AUTS2: variants seen among roughly 807,000 people sequenced by gnomAD.
AUTS2 encodes the protein autism susceptibility gene 2 protein.
A neutral mutation model predicts 112.4 loss-of-function variants in AUTS2; 17 were observed. The observed-to-expected ratio is 0.15, with a 90% CI of 0.10 to 0.23. The LOEUF is 0.23. AUTS2 is among the 10% of genes least tolerant of loss of function. The probability of loss-of-function intolerance (pLI) is 1.00; values close to 1 mark genes in which losing one functional copy is unlikely to be tolerated. For missense variants in AUTS2, 1,510 were observed against 1,701.6 expected (o/e 0.89, Z 1.98); for synonymous variants, 751 against 702.7 (o/e 1.07, Z -1.09).
intron 2 of AUTS2, among the ~76,000 whole-genome samples, chr7:70,032,470 T>G (rs1346496445): frequency 1.3e-5 from 2 of 152,130 alleles, no homozygotes; most frequent in African/African-American, 4.8e-5. Context: ...ATAGAGACAT[T>G]TAATTTAATT....
chr7:70,643,929 C>G (rs1052693159), intron 5 of AUTS2, among the ~76,000 whole-genome samples: 1 of 152,146 alleles, frequency 6.6e-6, no homozygotes, highest in African/African-American at 2.4e-5. Context: ...TCCACCAAGA[C>G]AGCCTCTGCT....
chr7:70,052,962 G>A (rs1801823022), intron 2 of AUTS2, among the ~76,000 whole-genome samples: 1 of 152,116 alleles, frequency 6.6e-6, no homozygotes, highest in African/African-American at 2.4e-5. Context: ...GATAAATAGT[G>A]GCCTAGAATA....
intron 5 of AUTS2, among the ~76,000 whole-genome samples, chr7:70,447,258 A>G (rs1352397525): frequency 6.6e-6 from 1 of 152,116 alleles, no homozygotes; most frequent in Non-Finnish European, 1.5e-5. Flanking sequence ...CCTCACACCA[A>G]CCCAATGGAG....
chr7:69,629,758 T>C (rs563480856), intron 1 of AUTS2, among the ~76,000 whole-genome samples: 11 of 152,128 alleles, frequency 7.2e-5, no homozygotes, highest in Non-Finnish European at 1.6e-4. Context: ...GTGTTCACCT[T>C]GTATAATGCA....
At chr7:70,754,264 G>A (rs527852933) in intron 6 of AUTS2, among the ~76,000 whole-genome samples, 2 of 152,344 alleles carry the variant, frequency 1.3e-5, no homozygotes, top group East Asian at 1.9e-4. Context: ...GCCTAGGCGG[G>A]AGGATTGCTT....
intron 2 of AUTS2, among the ~76,000 whole-genome samples, chr7:70,092,784 A>G (rs1803987131): frequency 6.6e-6 from 1 of 152,106 alleles, no homozygotes; most frequent in Non-Finnish European, 1.5e-5. Flanking sequence ...ATGCCTTCCC[A>G]CTTTATTTCT....
At chr7:69,695,283 C>T (rs375110603) in intron 1 of AUTS2, among the ~76,000 whole-genome samples, 1 of 151,962 alleles carries the variant, frequency 6.6e-6, no homozygotes, top group South Asian at 2.1e-4. Flanking sequence ...GAACTGTGAT[C>T]GCACCACTGC....
chr7:69,873,996 A>G (rs1312572240), intron 1 of AUTS2, among the ~76,000 whole-genome samples: 1 of 152,230 alleles, frequency 6.6e-6, no homozygotes, highest in African/African-American at 2.4e-5. Context: ...TGTTTTGTTA[A>G]GGATAATGGA....
At chr7:70,627,528 C>T (rs1397615702) in intron 5 of AUTS2, among the ~76,000 whole-genome samples, 1 of 152,148 alleles carries the variant, frequency 6.6e-6, no homozygotes, top group Non-Finnish European at 1.5e-5. Flanking sequence ...AACTACTAAC[C>T]CAGTCTTCGG....
intron 4 of AUTS2, among the ~76,000 whole-genome samples, chr7:70,355,088 G>A (rs188344458): frequency 1.6e-4 from 24 of 150,250 alleles, no homozygotes; most frequent in African/African-American, 5.2e-4. Context: ...ATATGTGTGC[G>A]TGTGTGTGTA....
intron 6 of AUTS2, among the ~76,000 whole-genome samples, chr7:70,720,858 T>G (rs570994895): frequency 6.6e-6 from 1 of 152,246 alleles, no homozygotes; most frequent in South Asian, 2.1e-4. Flanking sequence ...GTAGAAAGGG[T>G]ATCCCATATC....
intron 5 of AUTS2, among the ~76,000 whole-genome samples, chr7:70,444,261 G>T (rs1158842522): frequency 1.3e-5 from 2 of 151,796 alleles, no homozygotes; most frequent in Non-Finnish European, 2.9e-5. Context: ...AGGCTCTTTG[G>T]TTGTCAGAGA....
intron 5 of AUTS2, among the ~76,000 whole-genome samples, chr7:70,600,378 G>C (rs1803415919): frequency 1.3e-5 from 2 of 152,032 alleles, no homozygotes; most frequent in Non-Finnish European, 1.5e-5. Flanking sequence ...CTGGGTCAAG[G>C]GATTCTCTCG....
At chr7:70,324,054 G>A (rs963673692) in intron 4 of AUTS2, among the ~76,000 whole-genome samples, 3 of 152,320 alleles carry the variant, frequency 2.0e-5, no homozygotes, top group Middle Eastern at 3.4e-3. Context: ...TTGGACAAAA[G>A]AGGAGCTATT....
At chr7:70,130,852 A>G (rs1445047492) in intron 3 of AUTS2, among the ~76,000 whole-genome samples, 1 of 152,148 alleles carries the variant, frequency 6.6e-6, no homozygotes, top group Non-Finnish European at 1.5e-5. Context: ...TCAGCCTCTT[A>G]ATAGTTCTCA....
At chr7:70,248,015 T>C (rs776750237) in intron 4 of AUTS2, among the ~76,000 whole-genome samples, 58 of 152,338 alleles carry the variant, frequency 3.8e-4, no homozygotes, top group Non-Finnish European at 4.7e-4. Flanking sequence ...TGTGATAAAC[T>C]ACAGTAATTG....
At chr7:70,618,680 A>T (rs931403164) in intron 5 of AUTS2, among the ~76,000 whole-genome samples, 2 of 152,036 alleles carry the variant, frequency 1.3e-5, no homozygotes, top group Non-Finnish European at 2.9e-5. Context: ...TGCTTGGTGG[A>T]GTGGTTCCCA....
At chr7:70,727,059 A>T (rs1431456583) in intron 6 of AUTS2, among the ~76,000 whole-genome samples, 3 of 152,220 alleles carry the variant, frequency 2.0e-5, no homozygotes, top group African/African-American at 7.2e-5. Context: ...ATGAATGTGT[A>T]GAATTAGTGA....
intron 11 of AUTS2, 61 bp downstream of exon 11, chr7:70,771,705 G>C: frequency 6.8e-7 from 1 of 1,472,358 alleles, no homozygotes; most frequent in Non-Finnish European, 9.5e-7. Flanking sequence ...CGGGCCAGGC[G>C]TGCAGGAAGT....
Sources: allele counts gnomAD v4.1 joint callset (sites outside exome capture counted in the v4.1 genomes callset), GRCh38; gene constraint gnomAD v4.1.1; transcripts MANE v1.5; gene names NCBI Gene and HGNC (gene_info 2026-07-23, HGNC 2026-07-21).